DGKG: variants seen among roughly 807,000 people sequenced by gnomAD.
DGKG encodes the protein diacylglycerol kinase gamma.
A neutral mutation model predicts 105.3 loss-of-function variants in DGKG; 78 were observed. The observed-to-expected ratio is 0.74, with a 90% CI of 0.62 to 0.89. The LOEUF is 0.89. Ranked by LOEUF, DGKG falls within the 40% of genes least tolerant of loss-of-function variation. The probability of loss-of-function intolerance (pLI) is 0.00; values close to 1 mark genes in which losing one functional copy is unlikely to be tolerated. For missense variants in DGKG, 958 were observed against 1,020.1 expected, an observed-to-expected ratio of 0.94 and a Z score of 0.83; for synonymous variants, 346 against 367.1, an observed-to-expected ratio of 0.94 and a Z score of 0.66.
At chr3:186,221,453 C>T (rs7633603) in intron 20 of DGKG, among the ~76,000 whole-genome samples, 37,269 of 152,018 alleles carry the variant, frequency 0.25, 5,783 homozygotes, top group Non-Finnish European at 0.35. Context: ...GCTGATTTGG[C>T]GGAGGGTGGA....
chr3:186,256,312 C>T (rs909347980), intron 17 of DGKG, among the ~76,000 whole-genome samples: 1 of 152,196 alleles, frequency 6.6e-6, no homozygotes, highest in Non-Finnish European at 1.5e-5. Context: ...CCCCCGGAGG[C>T]ACGGCTTTCT....
intron 5 of DGKG, among the ~76,000 whole-genome samples, chr3:186,289,997 A>C (rs1723244048): frequency 1.3e-5 from 2 of 152,226 alleles, no homozygotes; most frequent in Admixed American, 1.3e-4. Flanking sequence ...ACCATCATCC[A>C]GATGGACAAT....
At chr3:186,300,993 A>G (rs890904740) in intron 3 of DGKG, among the ~76,000 whole-genome samples, 1 of 152,134 alleles carries the variant, frequency 6.6e-6, no homozygotes, top group Admixed American at 6.5e-5. Context: ...TGACTCCACA[A>G]TTTCTGTTAA....
chr3:186,345,524 G>T (rs763959183), intron 1 of DGKG, among the ~76,000 whole-genome samples: 1 of 152,156 alleles, frequency 6.6e-6, no homozygotes, highest in Non-Finnish European at 1.5e-5. Context: ...GATTCAGAAG[G>T]TGGGTTATTG....
chr3:186,212,130 C>T (rs1719066697), intron 20 of DGKG, among the ~76,000 whole-genome samples: 1 of 152,162 alleles, frequency 6.6e-6, no homozygotes, highest in African/African-American at 2.4e-5. Flanking sequence ...CCAACTGCTC[C>T]CCGAGTTTCC....
chr3:186,260,540 A>G (rs1721719003), intron 15 of DGKG, 27 bp from the exon 16 acceptor site: 2 of 1,488,400 alleles, frequency 1.3e-6, no homozygotes, highest in Middle Eastern at 1.7e-4. Context: ...AAAAGGAGGG[A>G]GAGAGAGAGA....
chr3:186,329,202 G>C (rs575101378), intron 1 of DGKG, among the ~76,000 whole-genome samples: 54 of 152,314 alleles, frequency 3.5e-4, no homozygotes, highest in Admixed American at 2.1e-3. Context: ...TAGGAGAAGA[G>C]TATTTTATGT....
intron 1 of DGKG, among the ~76,000 whole-genome samples, chr3:186,336,400 T>C (rs1315092998): frequency 2.0e-5 from 3 of 152,134 alleles, no homozygotes; most frequent in Non-Finnish European, 4.4e-5. Context: ...AAAATGTAAA[T>C]ATGAAGATTT....
chr3:186,201,016 C>T (rs966647261), intron 21 of DGKG, among the ~76,000 whole-genome samples: 3 of 152,138 alleles, frequency 2.0e-5, no homozygotes, highest in Non-Finnish European at 4.4e-5. Context: ...CAGGAGTGAG[C>T]CGGCACTGGG....
chr3:186,260,990 G>A (rs528850135), intron 15 of DGKG, among the ~76,000 whole-genome samples: 1 of 152,304 alleles, frequency 6.6e-6, no homozygotes, highest in African/African-American at 2.4e-5. Flanking sequence ...GTTGGGCTGT[G>A]GGGGAGGGAG....
At chr3:186,243,046 A>G (rs1391725468) in intron 19 of DGKG, among the ~76,000 whole-genome samples, 5 of 151,982 alleles carry the variant, frequency 3.3e-5, no homozygotes, top group Non-Finnish European at 7.4e-5. Context: ...TAGAGTTCCT[A>G]GGTCCCGTTC....
intron 19 of DGKG, among the ~76,000 whole-genome samples, chr3:186,249,878 G>C (rs1030046915): frequency 1.3e-5 from 2 of 151,328 alleles, no homozygotes; most frequent in African/African-American, 4.9e-5. Flanking sequence ...ACTTAAACTT[G>C]CTATCCCCTC....
chr3:186,275,944 T>TGATC (rs1204172965), intron 9 of DGKG, among the ~76,000 whole-genome samples: 33 of 138,564 alleles, frequency 2.4e-4, no homozygotes, highest in East Asian at 6.1e-4. Flanking sequence ...AACAACAATC[T>TGATC]GATCTATCTA....
intron 5 of DGKG, 126 bp from the exon 6 acceptor site, chr3:186,289,006 G>C: frequency 1.0e-6 from 1 of 967,456 alleles, no homozygotes; most frequent in Non-Finnish European, 1.5e-6. Flanking sequence ...AAAAGCTTTG[G>C]TTACATAGAT....
intron 20 of DGKG, 142 bp from the exon 21 acceptor site, chr3:186,212,027 C>G: frequency 7.7e-6 from 5 of 650,170 alleles, no homozygotes; most frequent in Non-Finnish European, 1.4e-5. Flanking sequence ...ATCAGATGAT[C>G]AAGGAATAGA....
chr3:186,234,733 G>T (rs145404272), intron 20 of DGKG, among the ~76,000 whole-genome samples: 3 of 152,342 alleles, frequency 2.0e-5, no homozygotes, highest in African/African-American at 7.2e-5. Context: ...CTGCTGCTGT[G>T]TAACAGTCTG....
chr3:186,325,863 C>T (rs1293761252), intron 1 of DGKG, among the ~76,000 whole-genome samples: 5 of 152,124 alleles, frequency 3.3e-5, no homozygotes, highest in African/African-American at 4.8e-5. Flanking sequence ...GTCAAGGTGG[C>T]GATCTGTTCT....
intron 1 of DGKG, among the ~76,000 whole-genome samples, chr3:186,327,853 C>T (rs1470546889): frequency 1.3e-5 from 2 of 152,168 alleles, no homozygotes; most frequent in African/African-American, 4.8e-5. Flanking sequence ...GACTCTGACA[C>T]TTATCTCCTT....
At chr3:186,206,262 T>C (rs1718728971) in intron 21 of DGKG, among the ~76,000 whole-genome samples, 1 of 152,078 alleles carries the variant, frequency 6.6e-6, no homozygotes. Flanking sequence ...TGCACGCCTG[T>C]AGTCTCAGGT....
Sources: allele counts gnomAD v4.1 joint callset (sites outside exome capture counted in the v4.1 genomes callset), GRCh38; gene constraint gnomAD v4.1.1; transcripts MANE v1.5; gene names NCBI Gene and HGNC (gene_info 2026-07-23, HGNC 2026-07-21).